S100Z: variants seen among roughly 807,000 people sequenced by gnomAD.
S100Z encodes the protein protein S100-Z.
Under a neutral mutation model 8.5 loss-of-function variants are expected in S100Z, and 11 were observed. The observed-to-expected ratio is 1.30, with a 90% CI of 0.82 to 2.15. The LOEUF is 2.15. S100Z is among the 30% of genes most tolerant of loss of function. S100Z has a pLI of 0.00. For missense variants in S100Z, 126 were observed against 117.9 expected, an observed-to-expected ratio of 1.07 and a Z score of -0.32; for synonymous variants, 34 against 43.8, an observed-to-expected ratio of 0.78 and a Z score of 0.89.
chr5:76,865,588 AAAAATT>A (rs1363207704), intron 1 of S100Z, among the ~76,000 whole-genome samples: 1 of 151,982 alleles, frequency 6.6e-6, no homozygotes, highest in African/African-American at 2.4e-5. Context: ...AAGTTAAAAA[AAAAATT>A]AAAAATAGAA....
chr5:76,948,196 C>T, the S100Z span, among the ~76,000 whole-genome samples: 1 of 148,038 alleles, frequency 6.8e-6, no homozygotes, highest in East Asian at 1.9e-4. Flanking sequence ...TGTGGTGGTG[C>T]ACACCTGTAA....
chr5:76,858,556 G>A (rs990630280), intron 1 of S100Z, among the ~76,000 whole-genome samples: 1 of 151,542 alleles, frequency 6.6e-6, no homozygotes, highest in Non-Finnish European at 1.5e-5. Context: ...GGAAATGGCT[G>A]ATCCAACTTA....
chr5:76,882,582 A>G (rs1580018107), intron 4 of S100Z, among the ~76,000 whole-genome samples: 1 of 152,218 alleles, frequency 6.6e-6, no homozygotes, highest in Non-Finnish European at 1.5e-5. Context: ...ATGCCCAGGA[A>G]GGAAAGGAGT....
intron 4 of S100Z, among the ~76,000 whole-genome samples, chr5:76,912,063 T>C (rs1220275846): frequency 6.8e-6 from 1 of 146,114 alleles, no homozygotes; most frequent in Non-Finnish European, 1.5e-5. Flanking sequence ...AAGGCTGGCC[T>C]CACTGTTTAA....
chr5:76,863,624 C>A (rs567717769), intron 1 of S100Z, among the ~76,000 whole-genome samples: 1 of 151,872 alleles, frequency 6.6e-6, no homozygotes, highest in Non-Finnish European at 1.5e-5. Context: ...CTGCAAGCTC[C>A]GCCTCCCGGG....
intron 4 of S100Z, among the ~76,000 whole-genome samples, chr5:76,914,160 G>T (rs973143199): frequency 2.6e-5 from 4 of 152,062 alleles, no homozygotes; most frequent in African/African-American, 9.7e-5. Context: ...CATTACAACT[G>T]CAGGGCTCCT....
the S100Z span, among the ~76,000 whole-genome samples, chr5:76,930,166 G>C: frequency 3.9e-5 from 6 of 152,128 alleles, no homozygotes; most frequent in Admixed American, 6.5e-5. Flanking sequence ...AAACAGCCAG[G>C]GATTTCCAAA....
At chr5:76,952,226 C>T in the S100Z span, among the ~76,000 whole-genome samples, 1 of 152,190 alleles carries the variant, frequency 6.6e-6, no homozygotes, top group Non-Finnish European at 1.5e-5. Flanking sequence ...TTCCTTCTAC[C>T]AGAGTGTTAA....
the S100Z span, among the ~76,000 whole-genome samples, chr5:76,929,066 C>T: frequency 6.6e-6 from 1 of 152,206 alleles, no homozygotes; most frequent in Non-Finnish European, 1.5e-5. Flanking sequence ...CTTGAGTTAC[C>T]TTCAGTATTA....
chr5:76,890,633 G>A (rs1219936083), intron 4 of S100Z, among the ~76,000 whole-genome samples: 1 of 152,046 alleles, frequency 6.6e-6, no homozygotes, highest in Non-Finnish European at 1.5e-5. Flanking sequence ...GGGTGACAGA[G>A]TAAGACCCGG....
intron 4 of S100Z, among the ~76,000 whole-genome samples, chr5:76,904,745 G>T (rs988293885): frequency 1.3e-5 from 2 of 151,530 alleles, no homozygotes; most frequent in African/African-American, 4.9e-5. Context: ...GGGTCTCCCT[G>T]TGTTGCCCAG....
At chr5:76,936,615 CTACACACACA>C in the S100Z span, among the ~76,000 whole-genome samples, 1 of 60,470 alleles carries the variant, frequency 1.7e-5, no homozygotes, top group Non-Finnish European at 3.6e-5. Context: ...ATTAAAGTTC[CTACACACACA>C]CACACACACA....
chr5:76,917,943 CT>C (rs1468741816), intron 4 of S100Z, among the ~76,000 whole-genome samples: 1 of 151,970 alleles, frequency 6.6e-6, no homozygotes, highest in Non-Finnish European at 1.5e-5. Flanking sequence ...TGGTTTCTTG[CT>C]TTTTGCTCTT....
At chr5:76,882,933 G>A (rs1660841738) in intron 4 of S100Z, among the ~76,000 whole-genome samples, 1 of 152,122 alleles carries the variant, frequency 6.6e-6, no homozygotes, top group African/African-American at 2.4e-5. Flanking sequence ...AGAGTATATG[G>A]GTTTGGCACC....
chr5:76,867,596 CTTT>C (rs746426436), intron 1 of S100Z, among the ~76,000 whole-genome samples: 1 of 126,772 alleles, frequency 7.9e-6, no homozygotes. Flanking sequence ...TTTTTTTTTT[CTTT>C]TTTTTTTTTT....
downstream of S100Z, among the ~76,000 whole-genome samples, chr5:76,921,996 AAAAAAAAG>A (rs570661929): frequency 9.5e-3 from 1,438 of 152,026 alleles, 18 homozygotes; most frequent in African/African-American, 0.032. Context: ...CTCAAAAAAA[AAAAAAAAG>A]AAAAAAGAAA....
intron 1 of S100Z, among the ~76,000 whole-genome samples, chr5:76,855,036 G>A (rs1750844089): frequency 6.6e-6 from 1 of 152,252 alleles, no homozygotes; most frequent in South Asian, 2.1e-4. Flanking sequence ...TTTCCACATG[G>A]TGTTAAGCCT....
At chr5:76,859,785 A>AAAAAAAG (rs1751001659) in intron 1 of S100Z, among the ~76,000 whole-genome samples, 1 of 143,700 alleles carries the variant, frequency 7.0e-6, no homozygotes, top group East Asian at 2.1e-4. Flanking sequence ...AAAAAAAAAA[A>AAAAAAAG]GAAATAAGAA....
intron 4 of S100Z, among the ~76,000 whole-genome samples, chr5:76,920,198 C>T (rs1405304542): frequency 1.3e-5 from 2 of 152,144 alleles, no homozygotes; most frequent in Admixed American, 1.3e-4. Context: ...CATGAGCCAC[C>T]ACGCCCGGCT....
Sources: gnomAD v4.1 joint callset for allele counts (sites outside exome capture counted in the v4.1 genomes callset) on GRCh38, gnomAD v4.1.1 for gene constraint, MANE v1.5 for transcripts, NCBI Gene and HGNC (gene_info 2026-07-23, HGNC 2026-07-21) for gene names.